Variants in AGBL4 observed in about 807,000 individuals in gnomAD.
AGBL4 encodes the protein cytosolic carboxypeptidase 6.
A neutral mutation model predicts 66.4 loss-of-function variants in AGBL4; 58 were observed. That is an observed-to-expected ratio of 0.87 (90% CI 0.71 to 1.09). AGBL4 has a LOEUF of 1.09. Among genes scored for constraint, AGBL4 ranks in the 50% least tolerant of loss-of-function variants. AGBL4 has a pLI of 0.00. For missense variants in AGBL4, 579 were observed against 631.0 expected, an observed-to-expected ratio of 0.92 and a Z score of 0.88; for synonymous variants, 234 against 222.9, an observed-to-expected ratio of 1.05 and a Z score of -0.44.
chr1:48,675,486 C>T (rs1208512031), intron 6 of AGBL4, among the ~76,000 whole-genome samples: 1 of 152,194 alleles, frequency 6.6e-6, no homozygotes, highest in African/African-American at 2.4e-5. Context: ...GTGGCTGAAA[C>T]AAAAGGACAA....
chr1:49,921,364 T>C (rs746027228), intron 1 of AGBL4, among the ~76,000 whole-genome samples: 1 of 152,164 alleles, frequency 6.6e-6, no homozygotes, highest in Non-Finnish European at 1.5e-5. Flanking sequence ...CAATTCAATA[T>C]ATCAAACGAA....
In AGBL4 at chr1:49,800,389, A is replaced by G. The variant is rs1296039754; in HGVS notation, c.157+51007T>C. Among the ~76,000 whole-genome samples, 3 of 144,736 alleles carry G rather than the reference A, an allele frequency of 2.1e-5. No individual in the cohort carries two copies. The East Asian group carries it at 6.0e-4, about 29-fold the overall frequency. The allele number at this position is 144,736 out of a possible 152,430, so 95.0% of individuals were successfully genotyped here. A position where few individuals can be genotyped will look rare whatever the true frequency, so the allele number is the denominator to read the frequency against. On this transcript the variant is annotated intron_variant, in intron 2 of 13. Coordinates refer to ENST00000371839, the MANE Select transcript of AGBL4 (RefSeq NM_032785.4). Reference sequence around the variant, plus strand: ...TTTTCTTTTTTTTTATTATACTTTAAGTTTTAGGGTACATGTGCACATTGT... The same window carrying G: ...TTTTCTTTTTTTTTATTATACTTTAGGTTTTAGGGTACATGTGCACATTGT...
intron 3 of AGBL4, among the ~76,000 whole-genome samples, chr1:49,412,349 G>T (rs923821677): frequency 1.3e-5 from 2 of 152,108 alleles, no homozygotes; most frequent in South Asian, 4.1e-4. Context: ...CTAGCTCTTT[G>T]GACTCTTCTT....
intron 6 of AGBL4, among the ~76,000 whole-genome samples, chr1:48,751,243 G>A (rs1651689900): frequency 6.6e-6 from 1 of 152,126 alleles, no homozygotes; most frequent in Non-Finnish European, 1.5e-5. Context: ...AGACATGGTG[G>A]GCTTTTAAAT....
chr1:49,877,768 G>A (rs1647065070), intron 1 of AGBL4, among the ~76,000 whole-genome samples: 1 of 150,746 alleles, frequency 6.6e-6, no homozygotes, highest in Non-Finnish European at 1.5e-5. Context: ...GGTAGAATTC[G>A]GCTGTGAATC....
intron 3 of AGBL4, among the ~76,000 whole-genome samples, chr1:49,485,170 T>C (rs1647038498): frequency 6.6e-6 from 1 of 151,898 alleles, no homozygotes; most frequent in Non-Finnish European, 1.5e-5. Flanking sequence ...ATGTTTAATG[T>C]GGCACTATTC....
intron 2 of AGBL4, among the ~76,000 whole-genome samples, chr1:49,780,914 C>T (rs1644320959): frequency 6.6e-6 from 1 of 152,032 alleles, no homozygotes; most frequent in Non-Finnish European, 1.5e-5. Context: ...AATCAAAAGG[C>T]AGACATTATA....
At chr1:49,559,906 T>C (rs984075739) in intron 3 of AGBL4, among the ~76,000 whole-genome samples, 5 of 152,164 alleles carry the variant, frequency 3.3e-5, no homozygotes, top group Non-Finnish European at 7.4e-5. Context: ...CTCCCTTTCA[T>C]ATATACATGT....
intron 1 of AGBL4, among the ~76,000 whole-genome samples, chr1:49,870,335 G>A (rs534599874): frequency 1.3e-5 from 2 of 152,142 alleles, no homozygotes; most frequent in East Asian, 3.9e-4. Context: ...TGAACTTGTG[G>A]AGGACAATTG....
At chr1:49,598,027 G>T (rs375212247) in intron 3 of AGBL4, among the ~76,000 whole-genome samples, 1 of 152,082 alleles carries the variant, frequency 6.6e-6, no homozygotes, top group African/African-American at 2.4e-5. Context: ...TTGCCTGATT[G>T]CCCTGGCCAG....
chr1:48,832,832 GC>G lies in AGBL4; in HGVS notation c.634+34358del, dbSNP rs201096614. On this transcript the variant is annotated intron_variant, in intron 6 of 13. Coordinates refer to ENST00000371839, the MANE Select transcript of AGBL4 (RefSeq NM_032785.4). ...ATTTGCTCTCTTCCTGAGTGCCTAA[GC>G]TTACACATCTTCTCCTGTCCTCAGA... Among the ~76,000 whole-genome samples, 49 of 152,294 alleles carry G rather than the reference GC, an allele frequency of 3.2e-4. No homozygotes were observed. The East Asian group carries it at 9.5e-3, about 29-fold the overall frequency.
chr1:48,922,002 G>A (rs1241123620), intron 5 of AGBL4, among the ~76,000 whole-genome samples: 1 of 152,050 alleles, frequency 6.6e-6, no homozygotes, highest in Non-Finnish European at 1.5e-5. Context: ...CAAATTACTG[G>A]GTACAAATAG....
At chr1:48,840,800 T>C (rs1646780113) in intron 6 of AGBL4, among the ~76,000 whole-genome samples, 1 of 152,200 alleles carries the variant, frequency 6.6e-6, no homozygotes. Flanking sequence ...CAAAAACCTG[T>C]AAAAGAATGT....
intron 2 of AGBL4, among the ~76,000 whole-genome samples, chr1:49,734,745 T>A (rs1054801493): frequency 6.6e-6 from 1 of 152,024 alleles, no homozygotes; most frequent in African/African-American, 2.4e-5. Context: ...ACAGGGTTTT[T>A]ATAGGAATTG....
At chr1:48,897,548 C>A (rs1265097203) in intron 5 of AGBL4, among the ~76,000 whole-genome samples, 2 of 152,128 alleles carry the variant, frequency 1.3e-5, no homozygotes, top group Non-Finnish European at 2.9e-5. Context: ...TTTTGAAGAA[C>A]CTCCATACTG....
At chr1:49,158,742 T>C (rs1282268623) in intron 4 of AGBL4, among the ~76,000 whole-genome samples, 2 of 152,028 alleles carry the variant, frequency 1.3e-5, no homozygotes, top group Non-Finnish European at 2.9e-5. Context: ...TTTATGAATC[T>C]GGGTGCTCCT....
At chr1:49,186,657 C>A (rs562058151) in intron 4 of AGBL4, among the ~76,000 whole-genome samples, 5 of 152,270 alleles carry the variant, frequency 3.3e-5, no homozygotes, top group African/African-American at 1.2e-4. Context: ...TATCACAGAT[C>A]CAGAAGGAGG....
At chr1:49,919,592 T>G (rs975032069) in intron 1 of AGBL4, among the ~76,000 whole-genome samples, 1 of 151,812 alleles carries the variant, frequency 6.6e-6, no homozygotes, top group East Asian at 1.9e-4. Flanking sequence ...TAAAAGAGGA[T>G]ACAAACAAAT....
chr1:49,857,568 T>A (rs889087046), intron 1 of AGBL4, among the ~76,000 whole-genome samples: 3 of 152,082 alleles, frequency 2.0e-5, no homozygotes, highest in African/African-American at 7.2e-5. Flanking sequence ...AAAAGTAATT[T>A]CATGTATTTA....
Sources: allele counts gnomAD v4.1 joint callset (sites outside exome capture counted in the v4.1 genomes callset), GRCh38; gene constraint gnomAD v4.1.1; transcripts MANE v1.5; gene names NCBI Gene and HGNC (gene_info 2026-07-23, HGNC 2026-07-21).